CNTN4: variants seen among roughly 807,000 people sequenced by gnomAD.
CNTN4 encodes the protein contactin 4.
A neutral mutation model predicts 122.5 loss-of-function variants in CNTN4; 77 were observed. The observed-to-expected ratio is 0.63, with a 90% CI of 0.52 to 0.76. The LOEUF (loss-of-function observed/expected upper bound fraction) is 0.76, where lower values mean the gene tolerates loss of function less well. Ranked by LOEUF, CNTN4 falls within the 30% of genes least tolerant of loss-of-function variation. The probability of loss-of-function intolerance (pLI) is 0.00; values close to 1 mark genes in which losing one functional copy is unlikely to be tolerated. For missense variants in CNTN4, 1,256 were observed against 1,259.1 expected (o/e 1.00, Z 0.04); for synonymous variants, 512 against 447.0 (o/e 1.15, Z -1.83).
intron 3 of CNTN4, among the ~76,000 whole-genome samples, chr3:2,365,330 T>C (rs534935019): frequency 2.8e-4 from 43 of 152,324 alleles, no homozygotes; most frequent in African/African-American, 1.0e-3. Flanking sequence ...CCCCATTCTC[T>C]GGAGTAATGA....
chr3:2,409,776 G>A (rs2047166700), intron 3 of CNTN4, among the ~76,000 whole-genome samples: 1 of 151,834 alleles, frequency 6.6e-6, no homozygotes, highest in Non-Finnish European at 1.5e-5. Flanking sequence ...AAAAGATGAG[G>A]CATATGTATA....
chr3:2,755,553 G>T (rs1240317236), intron 6 of CNTN4, among the ~76,000 whole-genome samples: 3 of 152,162 alleles, frequency 2.0e-5, no homozygotes, highest in Non-Finnish European at 4.4e-5. Context: ...CATTAATGGT[G>T]ATAATGGGTG....
At position 2,844,256 on chromosome 3, in the gene CNTN4, C is replaced by T. The variant is rs140730589; in HGVS notation, c.455-22496C>T. 1.5e-3 allele frequency among the ~76,000 whole-genome samples: 224 copies of T among 152,248 alleles called. 2 individuals are homozygous for T. Among genetic ancestry groups the T allele is most frequent in the South Asian group, 2.7e-3 (13 of 4,820 alleles). On this transcript the variant is annotated intron_variant, in intron 7 of 24. Coordinates refer to ENST00000418658, the MANE Select transcript of CNTN4 (RefSeq NM_175607.3). ...TCGCTTTCACTGCTTTGTTCTTAAT[C>T]GCATGTAGTACTGTGTGACATAATA...
At chr3:2,831,308 T>C (rs1468782911) in intron 7 of CNTN4, among the ~76,000 whole-genome samples, 1 of 152,206 alleles carries the variant, frequency 6.6e-6, no homozygotes, top group Non-Finnish European at 1.5e-5. Context: ...TAAAAAACTT[T>C]TCAAATCAAT....
intron 2 of CNTN4, among the ~76,000 whole-genome samples, chr3:2,184,911 C>CAA (rs147212477): frequency 2.4e-4 from 36 of 152,256 alleles, no homozygotes; most frequent in Admixed American, 4.6e-4. Flanking sequence ...GGCCCTTCTG[C>CAA]AAAAATTCAG....
chr3:2,625,729 C>T (rs955861086), intron 4 of CNTN4, among the ~76,000 whole-genome samples: 3 of 152,162 alleles, frequency 2.0e-5, no homozygotes, highest in African/African-American at 7.2e-5. Flanking sequence ...TTGCTATCCA[C>T]TTACTATTGA....
intron 2 of CNTN4, among the ~76,000 whole-genome samples, chr3:2,308,867 A>G (rs1283647658): frequency 6.6e-6 from 1 of 152,082 alleles, no homozygotes; most frequent in East Asian, 1.9e-4. Flanking sequence ...TATATAAAAT[A>G]TAGTCTGTAG....
At position 2,637,730 on chromosome 3, in the gene CNTN4, G is replaced by A. The variant is rs115764919; in HGVS notation, c.55+66172G>A. Among the ~76,000 whole-genome samples, 757 of 152,140 alleles carry A rather than the reference G, an allele frequency of 5.0e-3. 6 individuals are homozygous for A. Among genetic ancestry groups the A allele is most frequent in the African/African-American group, 0.017 (724 of 41,512 alleles). On this transcript the variant is annotated intron_variant, in intron 4 of 24. Transcript: ENST00000418658. ...TATGTTTTACCATAGTTGTCACCAC[G>A]CATGTGACATTGGGTTATCTGCCTA...
chr3:2,432,125 G>A (rs556674798), intron 3 of CNTN4, among the ~76,000 whole-genome samples: 28 of 152,200 alleles, frequency 1.8e-4, no homozygotes, highest in Admixed American at 1.3e-3. Context: ...ATTTACTTAC[G>A]TAGAAGTGGC....
chr3:2,320,014 CCTGGACTTCTACAAT>C (rs747989465), intron 2 of CNTN4, among the ~76,000 whole-genome samples: 5 of 152,124 alleles, frequency 3.3e-5, no homozygotes, highest in Admixed American at 6.6e-5. Flanking sequence ...TGTTAAAAAT[CCTGGACTTCTACAAT>C]CTGTCAGAGT....
intron 3 of CNTN4, among the ~76,000 whole-genome samples, chr3:2,431,425 ATG>A (rs1381219894): frequency 6.6e-6 from 1 of 152,212 alleles, no homozygotes; most frequent in Non-Finnish European, 1.5e-5. Context: ...ATCTTCCTTT[ATG>A]GAGGAGAATG....
chr3:2,608,980 C>T (rs946515382), intron 4 of CNTN4, among the ~76,000 whole-genome samples: 8 of 152,190 alleles, frequency 5.3e-5, no homozygotes, highest in Non-Finnish European at 1.2e-4. Context: ...TTCATCTTCT[C>T]TGGAGAAAGG....
At chr3:2,603,769 G>A (rs540329813) in intron 4 of CNTN4, among the ~76,000 whole-genome samples, 1 of 152,324 alleles carries the variant, frequency 6.6e-6, no homozygotes, top group African/African-American at 2.4e-5. Flanking sequence ...TAGTATGACA[G>A]AAAGAAAACA....
intron 6 of CNTN4, among the ~76,000 whole-genome samples, chr3:2,802,107 T>G (rs1316994754): frequency 6.6e-6 from 1 of 152,232 alleles, no homozygotes; most frequent in East Asian, 1.9e-4. Context: ...CATTATCATC[T>G]TTTTCATAAT....
chr3:2,150,388 G>A (rs967760290), intron 2 of CNTN4, among the ~76,000 whole-genome samples: 2 of 152,146 alleles, frequency 1.3e-5, no homozygotes, highest in Admixed American at 1.3e-4. Flanking sequence ...CACATTCTTG[G>A]AAAATTAATA....
intron 12 of CNTN4, among the ~76,000 whole-genome samples, chr3:2,916,528 T>C (rs1179281939): frequency 6.2e-5 from 9 of 145,810 alleles, no homozygotes; most frequent in South Asian, 4.6e-4. Context: ...GGTAAGGCCA[T>C]AGATTAACAG....
intron 3 of CNTN4, among the ~76,000 whole-genome samples, chr3:2,529,146 C>T (rs2077505532): frequency 6.6e-6 from 1 of 152,102 alleles, no homozygotes; most frequent in Non-Finnish European, 1.5e-5. Context: ...CTACTCTACT[C>T]TCTACTTCTA....
chr3:2,778,741 A>G (rs781110980), intron 6 of CNTN4, among the ~76,000 whole-genome samples: 7 of 152,110 alleles, frequency 4.6e-5, no homozygotes, highest in Non-Finnish European at 1.0e-4. Context: ...ATAATGGGGG[A>G]GAGAGGGGAA....
intron 2 of CNTN4, among the ~76,000 whole-genome samples, chr3:2,167,139 C>A (rs1417738147): frequency 6.6e-6 from 1 of 152,080 alleles, no homozygotes; most frequent in African/African-American, 2.4e-5. Flanking sequence ...AACATTTTTG[C>A]ATTAGCTTAA....
Sources: allele counts gnomAD v4.1 joint callset (sites outside exome capture counted in the v4.1 genomes callset), GRCh38; gene constraint gnomAD v4.1.1; transcripts MANE v1.5; gene names NCBI Gene and HGNC (gene_info 2026-07-23, HGNC 2026-07-21).